The following MYH3 variants were observed in gnomAD, a reference collection of about 807,000 sequenced individuals.
The protein encoded by MYH3 is myosin heavy chain 3.
Under a neutral mutation model 238.0 loss-of-function variants are expected in MYH3, and 130 were observed. The ratio of observed to expected loss-of-function variants is 0.55; its 90% CI spans 0.47 to 0.63. The LOEUF (loss-of-function observed/expected upper bound fraction) is 0.63. Ranked by LOEUF, MYH3 falls within the 30% of genes least tolerant of loss-of-function variation. The probability of loss-of-function intolerance (pLI) is 0.00; values close to 1 mark genes in which losing one functional copy is unlikely to be tolerated. For missense variants in MYH3, 1,853 were observed against 2,374.9 expected, an observed-to-expected ratio of 0.78 and a Z score of 4.57; for synonymous variants, 880 against 924.1, an observed-to-expected ratio of 0.95 and a Z score of 0.86.
In MYH3 at chr17:10,630,197, C is replaced by CTG. The variant is rs759071057; in HGVS notation, c.5458-3_5458-2dup. 19 of 1,614,040 alleles carry CTG rather than the reference C, an allele frequency of 1.2e-5. No individual in the cohort carries two copies. Among genetic ancestry groups the CTG allele is most frequent in the Non-Finnish European group, 1.5e-5 (18 of 1,180,036 alleles). ...CAAGTTCAAACTCCAGCTCTCGGATCTGGGGGAGAGGGTGGGGAAATTAGT... is the reference window on the plus strand; with the variant it reads ...CAAGTTCAAACTCCAGCTCTCGGATCTGTGGGGGAGAGGGTGGGGAAATTAGT... On this transcript the variant is annotated splice_acceptor_variant, in intron 37 of 40. Transcript: ENST00000583535. LOFTEE classifies it high-confidence loss of function.
chr17:10,640,065 C>G lies in MYH3; in HGVS notation c.2613G>C (p.Arg871Ser). The change falls in exon 22 of 41, where the codon AGG (arginine) becomes AGC (serine). Residue 871 changes from arginine (R) to serine (S), a missense_variant. By Grantham distance (110) the Arg-to-Ser change is moderately radical. This residue lies in a region of MYH3 where 678 missense variants were observed against 1,058.9 expected (regional missense o/e 0.64). Coordinates refer to ENST00000583535, the MANE Select transcript of MYH3 (RefSeq NM_002470.4). ...TCACCAGTTTTTCCTCTAGCTCCTTCCTTTTTGCCTCCGACTTGGCGAGTT... is the reference window on the plus strand; with the variant it reads ...TCACCAGTTTTTCCTCTAGCTCCTTGCTTTTTGCCTCCGACTTGGCGAGTT... Reference protein sequence around the residue: ...KDELAKSEAKRKELEEKLVTL... With the variant: ...KDELAKSEAKSKELEEKLVTL... The G allele has an allele frequency of 4.3e-6, 7 of 1,614,042 alleles. No homozygotes were observed. Among genetic ancestry groups the G allele is most frequent in the Non-Finnish European group, 4.2e-6 (5 of 1,180,022 alleles).
At chr17:10,670,783 T>C in the MYH3 span, among the ~76,000 whole-genome samples, 1 of 152,238 alleles carries the variant, frequency 6.6e-6, no homozygotes, top group Non-Finnish European at 1.5e-5. This position sits in a 1 kb window ranked among gnomAD's most constrained non-coding sequence, Gnocchi z 7.0. Context: ...TCAAAGTACA[T>C]ATTGGATATC....
chr17:10,655,201 C>A, intron 2 of MYH3, 129 bp from the exon 3 acceptor site: 3 of 753,496 alleles, frequency 4.0e-6, no homozygotes, highest in Admixed American at 4.0e-5. Context: ...GCCCCAGGAA[C>A]CAGGCTGTCC....
chr17:10,668,955 T>G, the MYH3 span, among the ~76,000 whole-genome samples: 1 of 152,214 alleles, frequency 6.6e-6, no homozygotes, highest in African/African-American at 2.4e-5. Flanking sequence ...GTAATCACTG[T>G]GTATATTACA....
chr17:10,641,704 C>T (rs1597487539), intron 17 of MYH3, among the ~76,000 whole-genome samples: 5 of 151,970 alleles, frequency 3.3e-5, no homozygotes, highest in East Asian at 1.9e-4. Context: ...TTAATGGAGA[C>T]GGGGTTTTAC....
chr17:10,670,405 A>G, the MYH3 span, among the ~76,000 whole-genome samples: 3 of 152,194 alleles, frequency 2.0e-5, no homozygotes, highest in Admixed American at 6.5e-5. The surrounding 1 kb of genome is among the most constrained non-coding windows in gnomAD (Gnocchi z 7.0). Context: ...TATCTTACTG[A>G]CACTAGACTA....
At chr17:10,661,653 T>C (rs1332498914), upstream of MYH3, among the ~76,000 whole-genome samples, 3 of 152,202 alleles carry the variant, frequency 2.0e-5, no homozygotes, top group Non-Finnish European at 2.9e-5. Context: ...GGTCACTTCC[T>C]GCCCAGCTAT....
the MYH3 span, among the ~76,000 whole-genome samples, chr17:10,668,309 C>T: frequency 2.6e-5 from 4 of 152,130 alleles, no homozygotes; most frequent in South Asian, 2.1e-4. Flanking sequence ...GCAGGAGAAT[C>T]GCTTGAACAC....
chr17:10,654,275 G>A lies in MYH3; in HGVS notation c.204+586C>T, dbSNP rs547761097. Reference sequence around the variant, plus strand: ...TTTTTTTGCTTTTTACTTTTCTTGGGACTTTTCCAGATTCTCCTGATGTGG... The same window carrying A: ...TTTTTTTGCTTTTTACTTTTCTTGGAACTTTTCCAGATTCTCCTGATGTGG... On this transcript the variant is annotated intron_variant, in intron 3 of 40. Transcript: ENST00000583535. This position sits in a 1 kb window ranked among gnomAD's most constrained non-coding sequence, Gnocchi z 4.5. 2.1e-5 allele frequency among the ~76,000 whole-genome samples: 3 copies of A among 144,532 alleles called. No individual in the cohort carries two copies. Among genetic ancestry groups the A allele is most frequent in the Non-Finnish European group, 3.0e-5 (2 of 66,890 alleles). The allele number at this position is 144,532 out of a possible 152,430, so 94.8% of individuals were successfully genotyped here.
chr17:10,650,274 C>A, intron 6 of MYH3, 100 bp downstream of exon 6: 5 of 1,291,114 alleles, frequency 3.9e-6, no homozygotes, highest in Non-Finnish European at 5.6e-6. Context: ...CCGCGCCCAG[C>A]CTGATCTTTT....
Position 10,644,684 on chromosome 17 carries a change from T to C in MYH3, c.1160A>G (p.Tyr387Cys), listed in dbSNP as rs1567559027. Reference protein sequence around the residue: ...DGTEVADKTAYLMGLNSSDLL... With the variant: ...DGTEVADKTACLMGLNSSDLL... ...GTCCGAAGAGTTCAGGCCCATCAGA[T>C]AGGCTGTTTTGTCAGCCACTGGCAA... Residue 387 changes from tyrosine to cysteine, a missense_variant, in exon 13 of 41, where the codon TAT becomes TGT. Transcript: ENST00000583535. The C allele has an allele frequency of 6.2e-7, 1 of 1,613,752 alleles. No homozygotes were observed. Among genetic ancestry groups the C allele is most frequent in the Non-Finnish European group, 8.5e-7 (1 of 1,179,886 alleles).
chr17:10,645,808 T>G lies in MYH3; in HGVS notation c.1040A>C (p.Lys347Thr). 3 of 1,613,844 alleles carry G rather than the reference T, an allele frequency of 1.9e-6. No homozygotes were observed. The highest frequency in any genetic ancestry group is 2.5e-6 in the Non-Finnish European group (3 of 1,179,990). ...TCCCGTCAGCTTGTAGAGCCCAGATTTCTCTTCTGGGGTGAAGCCCAGGAT... is the reference window on the plus strand; with the variant it reads ...TCCCGTCAGCTTGTAGAGCCCAGATGTCTCTTCTGGGGTGAAGCCCAGGAT... ...IDILGFTPEE[K>T]SGLYKLTGAV... The change falls in exon 12 of 41, where the codon AAA becomes ACA. Residue 347 changes from lysine to threonine, a missense_variant. Lys to Thr is a moderately conservative substitution (Grantham distance 78). This residue lies in a region of MYH3 where 678 missense variants were observed against 1,058.9 expected (regional missense o/e 0.64). Transcript: ENST00000583535.
the MYH3 span, among the ~76,000 whole-genome samples, chr17:10,665,857 T>C: frequency 6.6e-6 from 1 of 152,164 alleles, no homozygotes; most frequent in Non-Finnish European, 1.5e-5. Context: ...TACTAAAACA[T>C]ACACTCTAAA....
rs1013213215 is a variant in MYH3, at chr17:10,632,422, A to G, written c.4956+54T>C. 1.3e-5 allele frequency: 21 copies of G among 1,581,216 alleles called. No homozygotes were observed. The East Asian group carries it at 1.8e-4, about 13-fold the overall frequency. Reference sequence around the variant, plus strand: ...GCGTGCACCACTGTGCCCAGCCTACATTTCTGAGTATGTGAGGAGGAGAGA... The same window carrying G: ...GCGTGCACCACTGTGCCCAGCCTACGTTTCTGAGTATGTGAGGAGGAGAGA... On this transcript the variant is annotated intron_variant, in intron 34 of 40. Transcript: ENST00000583535.
intron 10 of MYH3, among the ~76,000 whole-genome samples, chr17:10,646,603 G>A (rs1199535127): frequency 6.6e-6 from 1 of 152,202 alleles, no homozygotes; most frequent in Non-Finnish European, 1.5e-5. Flanking sequence ...AGAACACAAG[G>A]GGGCGCCAAA....
chr17:10,663,759 C>T, the MYH3 span, among the ~76,000 whole-genome samples: 2 of 148,404 alleles, frequency 1.3e-5, no homozygotes, highest in East Asian at 1.9e-4. Flanking sequence ...AACTAACTAA[C>T]ACTTAAAAAA....
intron 8 of MYH3, 133 bp downstream of exon 8, chr17:10,648,424 C>T: frequency 1.2e-6 from 1 of 805,518 alleles, no homozygotes; most frequent in Non-Finnish European, 2.2e-6. Flanking sequence ...TTATCTTTAT[C>T]TGAAATGGTC....
chr17:10,637,129 G>A (rs963829735), intron 28 of MYH3, among the ~76,000 whole-genome samples: 3 of 150,030 alleles, frequency 2.0e-5, no homozygotes, highest in South Asian at 4.2e-4. Flanking sequence ...GCATAATCTC[G>A]GCTCACTGCA....
In MYH3 at chr17:10,643,665, T is replaced by C. The variant is rs557203782; in HGVS notation, c.1411-669A>G. 3.2e-3 allele frequency among the ~76,000 whole-genome samples: 486 copies of C among 152,230 alleles called. 3 individuals are homozygous for C. The highest frequency in any genetic ancestry group is 0.01 in the Middle Eastern group (3 of 294). On this transcript the variant is annotated intron_variant, in intron 14 of 40. Coordinates refer to ENST00000583535, the MANE Select transcript of MYH3 (RefSeq NM_002470.4). ...CTGGGATTACAGGCATGAGGCACCA[T>C]GCCCAGCCGCGGCTATGCACGGTCT...
Sources: gnomAD v4.1 joint callset for allele counts (sites outside exome capture counted in the v4.1 genomes callset) on GRCh38, gnomAD v4.1.1 for gene constraint, gnomAD v4.1.1 regional missense constraint, Gnocchi (gnomAD v3.1) non-coding constraint, MANE v1.5 for transcripts, NCBI Gene and HGNC (gene_info 2026-07-23, HGNC 2026-07-21) for gene names.